Variants in C8orf89 observed in about 807,000 individuals in gnomAD.
The protein encoded by C8orf89 is chromosome 8 open reading frame 89, also known as putative uncharacterized protein C8orf89.
C8orf89 carries 14 observed loss-of-function variants against 15.8 expected under a neutral mutation model. The observed-to-expected ratio is 0.89, with a 90% CI of 0.59 to 1.39. C8orf89 has a LOEUF of 1.39. Ranked by LOEUF, C8orf89 falls within the 40% of genes most tolerant of loss-of-function variation. The probability of loss-of-function intolerance (pLI) is 0.00; values close to 1 mark genes in which losing one functional copy is unlikely to be tolerated. For synonymous variants in C8orf89, 55 were observed against 62.2 expected, an observed-to-expected ratio of 0.88 and a Z score of 0.54; for missense variants, 181 against 184.5, an observed-to-expected ratio of 0.98 and a Z score of 0.11.
intron 1 of C8orf89, among the ~76,000 whole-genome samples, chr8:73,257,430 T>G (rs1278826235): frequency 6.6e-6 from 1 of 152,224 alleles, no homozygotes; most frequent in East Asian, 1.9e-4. Context: ...TCCCAGAATA[T>G]TAGATACCTT....
chr8:73,268,036 T>C, the C8orf89 span, among the ~76,000 whole-genome samples: 1 of 152,156 alleles, frequency 6.6e-6, no homozygotes, highest in Admixed American at 6.5e-5. Flanking sequence ...AACAACATAT[T>C]AAATGGCATC....
At chr8:73,272,402 C>A in the C8orf89 span, among the ~76,000 whole-genome samples, 1 of 151,876 alleles carries the variant, frequency 6.6e-6, no homozygotes, top group Non-Finnish European at 1.5e-5. Context: ...CTCACTGTAC[C>A]AAGCACTATG....
At chr8:73,285,866 G>A in the C8orf89 span, among the ~76,000 whole-genome samples, 1 of 152,208 alleles carries the variant, frequency 6.6e-6, no homozygotes, top group Non-Finnish European at 1.5e-5. Context: ...GGGTGAGCAT[G>A]CCCCGCAGCC....
intron 3 of C8orf89, among the ~76,000 whole-genome samples, chr8:73,246,193 T>C (rs988444478): frequency 7.9e-5 from 12 of 152,228 alleles, no homozygotes; most frequent in African/African-American, 2.7e-4. Flanking sequence ...AATGTTATTC[T>C]TCACATCAAA....
rs747103958 is a variant in C8orf89, at chr8:73,241,446, TACG to T, written c.*8_*10del. On this transcript the variant is annotated 3_prime_UTR_variant, in exon 4 of 4. Transcript: ENST00000624510. Reference sequence around the variant, plus strand: ...AGTCACTGAAGAAAGCATCACACTGTACGACATTTTTCAGCGGTCTCGGAGGTC... The same window carrying T: ...AGTCACTGAAGAAAGCATCACACTGTACATTTTTCAGCGGTCTCGGAGGTC... 17 of 1,521,572 alleles carry T rather than the reference TACG, an allele frequency of 1.1e-5. No homozygotes were observed. Among genetic ancestry groups the T allele is most frequent in the Non-Finnish European group, 1.4e-5 (16 of 1,138,888 alleles). The allele number at this position is 1,521,572 out of a possible 1,614,324, so 94.3% of individuals were successfully genotyped here.
At chr8:73,272,857 A>G in the C8orf89 span, among the ~76,000 whole-genome samples, 1 of 152,242 alleles carries the variant, frequency 6.6e-6, no homozygotes, top group Admixed American at 6.5e-5. Context: ...TGGCACTATT[A>G]TTATTATCAT....
At position 73,241,976 on chromosome 8, in the gene C8orf89, G is replaced by A. The variant is rs555752892; in HGVS notation, c.338-371C>T. Among the ~76,000 whole-genome samples the A allele has an allele frequency of 1.4e-3, 214 of 151,570 alleles. 1 individual carries two copies. The highest frequency in any genetic ancestry group is 4.8e-3 in the African/African-American group (198 of 41,344). On this transcript the variant is annotated intron_variant, in intron 3 of 3. Transcript: ENST00000624510. ...AAAATGAAACCAGATCGCATCTCTCGACATATAAAAAAAAATCGAAATGGA... is the reference window on the plus strand; with the variant it reads ...AAAATGAAACCAGATCGCATCTCTCAACATATAAAAAAAAATCGAAATGGA...
At chr8:73,249,254 A>C (rs778122325) in intron 3 of C8orf89, among the ~76,000 whole-genome samples, 31 of 152,212 alleles carry the variant, frequency 2.0e-4, no homozygotes, top group Non-Finnish European at 4.1e-4. Context: ...CCAACCTTGC[A>C]CTGCAGGGAT....
intron 1 of C8orf89, among the ~76,000 whole-genome samples, chr8:73,257,725 G>A (rs1813429991): frequency 1.3e-5 from 2 of 152,006 alleles, no homozygotes; most frequent in African/African-American, 4.8e-5. Flanking sequence ...AATTTTCAAG[G>A]CATTAAATGA....
intron 3 of C8orf89, among the ~76,000 whole-genome samples, chr8:73,243,920 T>C (rs897406673): frequency 1.3e-5 from 2 of 152,214 alleles, no homozygotes; most frequent in East Asian, 1.9e-4. Flanking sequence ...AAAATTACAT[T>C]GGTGCAAAAG....
chr8:73,256,315 T>C (rs1042841419), intron 2 of C8orf89, among the ~76,000 whole-genome samples: 1 of 151,984 alleles, frequency 6.6e-6, no homozygotes, highest in Non-Finnish European at 1.5e-5. Flanking sequence ...CAAGGTTCTA[T>C]ATAGAGGGTA....
chr8:73,277,936 A>G, the C8orf89 span: 2 of 666,418 alleles, frequency 3.0e-6, no homozygotes, highest in East Asian at 3.3e-5. Flanking sequence ...GCTTAGAGAG[A>G]AACATGTCTG....
At chr8:73,260,498 C>A (rs1181668726), upstream of C8orf89, among the ~76,000 whole-genome samples, 13 of 152,136 alleles carry the variant, frequency 8.5e-5, no homozygotes, top group East Asian at 2.3e-3. Flanking sequence ...AACAAACCTG[C>A]ACGTTGTGCA....
chr8:73,257,493 GT>G (rs1191617918), intron 1 of C8orf89, among the ~76,000 whole-genome samples: 2 of 152,180 alleles, frequency 1.3e-5, no homozygotes, highest in Non-Finnish European at 2.9e-5. Flanking sequence ...AGCACTTAGA[GT>G]ATTTCCATTT....
At chr8:73,246,399 G>C (rs1271464526) in intron 3 of C8orf89, among the ~76,000 whole-genome samples, 4 of 152,156 alleles carry the variant, frequency 2.6e-5, no homozygotes. Context: ...GCTTGTTTGA[G>C]ACAGAGTCTC....
At chr8:73,259,752 C>A (rs1005850993), upstream of C8orf89, among the ~76,000 whole-genome samples, 1 of 151,532 alleles carries the variant, frequency 6.6e-6, no homozygotes, top group Non-Finnish European at 1.5e-5. Context: ...AAAAAAAAGA[C>A]AAATTTTATG....
At chr8:73,283,603 C>G in the C8orf89 span, among the ~76,000 whole-genome samples, 1 of 152,176 alleles carries the variant, frequency 6.6e-6, no homozygotes, top group Non-Finnish European at 1.5e-5. Context: ...ACAGATTTTG[C>G]TCAATACAGT....
At chr8:73,248,259 G>T (rs975390235) in intron 3 of C8orf89, among the ~76,000 whole-genome samples, 1 of 152,052 alleles carries the variant, frequency 6.6e-6, no homozygotes, top group Admixed American at 6.6e-5. Flanking sequence ...TAGGTGTGTG[G>T]CCTTATTTCT....
At chr8:73,263,629 C>T (rs1026915254), upstream of C8orf89, among the ~76,000 whole-genome samples, 7 of 152,050 alleles carry the variant, frequency 4.6e-5, no homozygotes, top group African/African-American at 1.5e-4. Flanking sequence ...ATTCATCCAC[C>T]CATTCGTTCA....
Sources: allele counts gnomAD v4.1 joint callset (sites outside exome capture counted in the v4.1 genomes callset), GRCh38; gene constraint gnomAD v4.1.1; transcripts MANE v1.5; gene names NCBI Gene and HGNC (gene_info 2026-07-23, HGNC 2026-07-21).